SH3GL2: variants seen among roughly 807,000 people sequenced by gnomAD.
The protein encoded by SH3GL2 is endophilin-A1.
A neutral mutation model predicts 46.0 loss-of-function variants in SH3GL2; 24 were observed. The ratio of observed to expected loss-of-function variants is 0.52; its 90% CI spans 0.38 to 0.73. The LOEUF (loss-of-function observed/expected upper bound fraction) is 0.73. Ranked by LOEUF, SH3GL2 falls within the 30% of genes least tolerant of loss-of-function variation. The probability of loss-of-function intolerance (pLI) is 0.00; values close to 1 mark genes in which losing one functional copy is unlikely to be tolerated. For synonymous variants in SH3GL2, 196 were observed against 147.1 expected, an observed-to-expected ratio of 1.33 and a Z score of -2.40; for missense variants, 413 against 424.2, an observed-to-expected ratio of 0.97 and a Z score of 0.23.
At chr9:17,730,197 C>G (rs765262278) in intron 1 of SH3GL2, among the ~76,000 whole-genome samples, 1 of 152,000 alleles carries the variant, frequency 6.6e-6, no homozygotes, top group Non-Finnish European at 1.5e-5. Context: ...AGTTGGATTC[C>G]TAGGCTTTTT....
chr9:17,656,968 G>A (rs1263435522), intron 1 of SH3GL2, among the ~76,000 whole-genome samples: 1 of 152,032 alleles, frequency 6.6e-6, no homozygotes, highest in Non-Finnish European at 1.5e-5. Context: ...AAAATCACTG[G>A]GTGGAACATA....
At chr9:17,763,286 C>G (rs1325884327) in intron 3 of SH3GL2, among the ~76,000 whole-genome samples, 2 of 152,078 alleles carry the variant, frequency 1.3e-5, no homozygotes, top group Non-Finnish European at 2.9e-5. Flanking sequence ...TTGTGTGTCT[C>G]CCCAAATTCA....
At chr9:17,670,415 T>C (rs914362639) in intron 1 of SH3GL2, among the ~76,000 whole-genome samples, 2 of 152,230 alleles carry the variant, frequency 1.3e-5, no homozygotes, top group Non-Finnish European at 2.9e-5. Flanking sequence ...TGTATCATGA[T>C]AATGGCATGT....
rs73424527 is a variant in SH3GL2, at chr9:17,770,155, A to G, written c.187+8646A>G. 7.5e-3 allele frequency among the ~76,000 whole-genome samples: 1,139 copies of G among 152,310 alleles called. 14 individuals carry two copies. Among genetic ancestry groups the G allele is most frequent in the African/African-American group, 0.026 (1,073 of 41,552 alleles). ...ATTTGGTGTCATGTACAATTAGTAT[A>G]TTTCACAATTGCTTTGGGAAAAGTG... On this transcript the variant is annotated intron_variant, in intron 3 of 8. Coordinates refer to ENST00000380607, the MANE Select transcript of SH3GL2 (RefSeq NM_003026.5).
intron 1 of SH3GL2, among the ~76,000 whole-genome samples, chr9:17,666,080 C>T (rs1444977099): frequency 6.6e-6 from 1 of 151,576 alleles, no homozygotes; most frequent in Non-Finnish European, 1.5e-5. Context: ...AAAATTTCTA[C>T]CCTACAGCAC....
intron 6 of SH3GL2, among the ~76,000 whole-genome samples, chr9:17,790,712 AT>A (rs1824102690): frequency 6.6e-6 from 1 of 152,184 alleles, no homozygotes. Context: ...TGAACTCAAG[AT>A]GTCACTTGAT....
chr9:17,710,107 C>G (rs1176119635), intron 1 of SH3GL2, among the ~76,000 whole-genome samples: 1 of 151,876 alleles, frequency 6.6e-6, no homozygotes, highest in East Asian at 1.9e-4. Flanking sequence ...TATGGTTTGG[C>G]TGTGTCCCCA....
chr9:17,602,033 A>T (rs908564161), intron 1 of SH3GL2, among the ~76,000 whole-genome samples: 1 of 152,182 alleles, frequency 6.6e-6, no homozygotes, highest in Non-Finnish European at 1.5e-5. Flanking sequence ...ACTTCATGAA[A>T]CTTAACTCTT....
At chr9:17,597,143 G>A (rs903254159) in intron 1 of SH3GL2, among the ~76,000 whole-genome samples, 1 of 152,224 alleles carries the variant, frequency 6.6e-6, no homozygotes, top group African/African-American at 2.4e-5. Context: ...GTAGTAATCT[G>A]CTGAAGCATA....
intron 1 of SH3GL2, among the ~76,000 whole-genome samples, chr9:17,642,957 G>T (rs1207956285): frequency 6.6e-6 from 1 of 152,092 alleles, no homozygotes; most frequent in African/African-American, 2.4e-5. Context: ...AAATAGCATT[G>T]AATCTATAAA....
intron 1 of SH3GL2, among the ~76,000 whole-genome samples, chr9:17,617,007 G>T (rs186566782): frequency 2.1e-3 from 324 of 152,280 alleles, no homozygotes; most frequent in African/African-American, 7.3e-3. Flanking sequence ...TGGCAAATCT[G>T]TGTGTGTTCT....
At chr9:17,713,850 T>C (rs1673656484) in intron 1 of SH3GL2, among the ~76,000 whole-genome samples, 1 of 151,672 alleles carries the variant, frequency 6.6e-6, no homozygotes, top group African/African-American at 2.4e-5. Flanking sequence ...AATTTATATT[T>C]TGTCATCGTT....
intron 1 of SH3GL2, among the ~76,000 whole-genome samples, chr9:17,702,216 G>C (rs1441193632): frequency 6.6e-6 from 1 of 151,956 alleles, no homozygotes. Context: ...TTCACATCTT[G>C]GATCCATAAT....
chr9:17,638,161 AAAAAAC>A (rs1454108889), intron 1 of SH3GL2, among the ~76,000 whole-genome samples: 10 of 151,976 alleles, frequency 6.6e-5, no homozygotes, highest in South Asian at 2.1e-4. Flanking sequence ...CCTCTCAAAA[AAAAAAC>A]AAAAAAACAA....
intron 1 of SH3GL2, among the ~76,000 whole-genome samples, chr9:17,637,468 G>T (rs984262470): frequency 9.2e-5 from 14 of 152,146 alleles, no homozygotes; most frequent in African/African-American, 3.4e-4. Flanking sequence ...TCTTTACTTA[G>T]TCGGGAACTC....
chr9:17,671,231 T>C (rs141296853), intron 1 of SH3GL2, among the ~76,000 whole-genome samples: 7 of 152,324 alleles, frequency 4.6e-5, no homozygotes, highest in African/African-American at 1.7e-4. Flanking sequence ...CTTTAATTTA[T>C]TCATCAGATT....
At chr9:17,773,957 CTT>C (rs993105978) in intron 3 of SH3GL2, among the ~76,000 whole-genome samples, 2 of 151,974 alleles carry the variant, frequency 1.3e-5, no homozygotes, top group African/African-American at 4.8e-5. Context: ...TTATATATGT[CTT>C]TTAAAATTTC....
chr9:17,727,395 A>G (rs1822050701), intron 1 of SH3GL2, among the ~76,000 whole-genome samples: 2 of 152,222 alleles, frequency 1.3e-5, no homozygotes, highest in South Asian at 4.1e-4. Context: ...CATGTTACAT[A>G]GACTCCACCT....
intron 1 of SH3GL2, among the ~76,000 whole-genome samples, chr9:17,736,120 A>G (rs4507864): frequency 0.065 from 9,870 of 152,188 alleles, 531 homozygotes; most frequent in Admixed American, 0.17. Flanking sequence ...TTCTTAAGCA[A>G]TGATGAGCTG....
Sources: gnomAD v4.1 joint callset for allele counts (sites outside exome capture counted in the v4.1 genomes callset) on GRCh38, gnomAD v4.1.1 for gene constraint, MANE v1.5 for transcripts, NCBI Gene and HGNC (gene_info 2026-07-23, HGNC 2026-07-21) for gene names.